PIGU: variants seen among roughly 807,000 people sequenced by gnomAD.
The protein encoded by PIGU is phosphatidylinositol glycan anchor biosynthesis class U.
Under a neutral mutation model 49.9 loss-of-function variants are expected in PIGU, and 24 were observed. The observed-to-expected ratio is 0.48, with a 90% CI of 0.35 to 0.68. The LOEUF is 0.68. PIGU is among the 30% of genes least tolerant of loss of function. The pLI is 0.01. For synonymous variants in PIGU, 220 were observed against 205.7 expected (o/e 1.07, Z -0.59); for missense variants, 490 against 532.6 (o/e 0.92, Z 0.79).
At chr20:34,568,810 G>C (rs1982884094) in intron 11 of PIGU, among the ~76,000 whole-genome samples, 1 of 152,226 alleles carries the variant, frequency 6.6e-6, no homozygotes, top group African/African-American at 2.4e-5. Context: ...GGCCAGCCCA[G>C]TATCTGAGGG....
intron 7 of PIGU, among the ~76,000 whole-genome samples, 178 bp downstream of exon 7, chr20:34,615,864 T>C (rs1354519021): frequency 1.3e-5 from 2 of 152,192 alleles, no homozygotes; most frequent in Admixed American, 6.5e-5. Flanking sequence ...AGTTGGGACT[T>C]AATGATAATT....
At chr20:34,673,763 C>T (rs553563668) in intron 1 of PIGU, among the ~76,000 whole-genome samples, 2 of 152,106 alleles carry the variant, frequency 1.3e-5, no homozygotes, top group Non-Finnish European at 2.9e-5. Context: ...CGTTAGAATT[C>T]ATACAGCTTG....
At chr20:34,618,762 G>A (rs1985101116) in intron 6 of PIGU, among the ~76,000 whole-genome samples, 1 of 152,154 alleles carries the variant, frequency 6.6e-6, no homozygotes, top group Non-Finnish European at 1.5e-5. Context: ...ACTCCAGCCT[G>A]GGTGACAGAG....
Position 34,654,620 on chromosome 20 carries a change from C to G in PIGU, c.195+2560G>C, listed in dbSNP as rs1986651971. Among the ~76,000 whole-genome samples, 2 of 120,018 alleles carry G rather than the reference C, an allele frequency of 1.7e-5. 1 individual carries two copies. The highest frequency in any genetic ancestry group is 6.1e-5 in the African/African-American group (2 of 32,554). The allele number at this position is 120,018 out of a possible 152,430, so 78.7% of individuals were successfully genotyped here. On this transcript the variant is annotated intron_variant, in intron 2 of 11. Transcript: ENST00000217446. ...AAGACAGCTGTTATTTCTATGAGGACCAAGTTGAATGCTTTTGAAAGATTA... is the reference window on the plus strand; with the variant it reads ...AAGACAGCTGTTATTTCTATGAGGAGCAAGTTGAATGCTTTTGAAAGATTA...
At chr20:34,603,976 G>A (rs892072091) in intron 7 of PIGU, among the ~76,000 whole-genome samples, 3 of 152,002 alleles carry the variant, frequency 2.0e-5, no homozygotes, top group South Asian at 2.1e-4. Flanking sequence ...AAGAGGGTAC[G>A]CTCTGCCTAA....
At position 34,606,450 on chromosome 20, in the gene PIGU, A is replaced by G. The variant is rs377630843; in HGVS notation, c.627+9592T>C. 2.8e-3 allele frequency among the ~76,000 whole-genome samples: 432 copies of G among 152,092 alleles called. 2 individuals are homozygous for G. The highest frequency in any genetic ancestry group is 0.026 in the South Asian group (126 of 4,812). On this transcript the variant is annotated intron_variant, in intron 7 of 11. Coordinates refer to ENST00000217446, the MANE Select transcript of PIGU (RefSeq NM_080476.5). Reference sequence around the variant, plus strand: ...TTCTCCACTTTTTCTTTTTCATAACATTAACATTTTGAACAGACTCAGACC... The same window carrying G: ...TTCTCCACTTTTTCTTTTTCATAACGTTAACATTTTGAACAGACTCAGACC...
At chr20:34,674,015 T>G (rs895068532) in intron 1 of PIGU, among the ~76,000 whole-genome samples, 10 of 151,558 alleles carry the variant, frequency 6.6e-5, no homozygotes, top group African/African-American at 2.4e-4. Context: ...ATCATGCCAC[T>G]ACACTCCAGC....
At chr20:34,599,097 A>G (rs900994407) in intron 7 of PIGU, among the ~76,000 whole-genome samples, 3 of 152,056 alleles carry the variant, frequency 2.0e-5, no homozygotes, top group African/African-American at 4.8e-5. Context: ...GAATACTTCA[A>G]TTTCACTAAT....
chr20:34,660,037 A>C (rs909128229), intron 1 of PIGU, among the ~76,000 whole-genome samples: 2 of 141,522 alleles, frequency 1.4e-5, no homozygotes, highest in African/African-American at 5.3e-5. Context: ...GAAACACCCA[A>C]GAATGATCAA....
chr20:34,644,263 CA>C (rs1373482151), intron 3 of PIGU, 37 bp from the exon 4 acceptor site: 1 of 1,534,752 alleles, frequency 6.5e-7, no homozygotes. Flanking sequence ...AAATGGAACA[CA>C]GTAAGTGTAA....
intron 2 of PIGU, among the ~76,000 whole-genome samples, chr20:34,652,856 T>A (rs1986583156): frequency 6.6e-6 from 1 of 152,190 alleles, no homozygotes; most frequent in South Asian, 2.1e-4. Flanking sequence ...TACTGAGCCT[T>A]GTTTTATAGA....
intron 6 of PIGU, among the ~76,000 whole-genome samples, chr20:34,624,236 G>T (rs532024932): frequency 6.6e-6 from 1 of 152,232 alleles, no homozygotes; most frequent in East Asian, 1.9e-4. Context: ...AATACCATCT[G>T]AGCAGTTATT....
At chr20:34,623,673 C>T (rs376452240) in intron 6 of PIGU, among the ~76,000 whole-genome samples, 3 of 152,152 alleles carry the variant, frequency 2.0e-5, no homozygotes, top group East Asian at 3.8e-4. Flanking sequence ...TAACAATAGG[C>T]AGAGCAACTA....
intron 2 of PIGU, among the ~76,000 whole-genome samples, chr20:34,650,698 C>CTTTTTTTTTT (rs1568658806): frequency 6.8e-5 from 3 of 43,964 alleles, no homozygotes; most frequent in Admixed American, 2.4e-4. Context: ...TTCTTTTTTT[C>CTTTTTTTTTT]TCTTTTTTTT....
chr20:34,617,522 C>T (rs1022084545), intron 6 of PIGU, among the ~76,000 whole-genome samples: 2 of 152,214 alleles, frequency 1.3e-5, no homozygotes, highest in African/African-American at 4.8e-5. Flanking sequence ...CCAATTTCTC[C>T]TATTTGTAAC....
intron 6 of PIGU, among the ~76,000 whole-genome samples, chr20:34,628,051 G>C (rs1157476750): frequency 6.6e-6 from 1 of 152,118 alleles, no homozygotes; most frequent in Non-Finnish European, 1.5e-5. Context: ...CCCCAGAAAA[G>C]GTAGGCAAAC....
Position 34,656,687 on chromosome 20 carries a change from G to A in PIGU, c.195+493C>T, listed in dbSNP as rs562499332. On this transcript the variant is annotated intron_variant, in intron 2 of 11. Coordinates refer to ENST00000217446, the MANE Select transcript of PIGU (RefSeq NM_080476.5). ...AGGCTCAAGTAGGAGGATCGCTTGA[G>A]CCCAGGAGGTCAAGGCTGCAGTGAA... Among the ~76,000 whole-genome samples, 21 of 150,418 alleles carry A rather than the reference G, an allele frequency of 1.4e-4. No homozygotes were observed. In the East Asian group the frequency reaches 1.6e-3, roughly 11 times the overall value.
At chr20:34,627,190 C>T (rs1222069388) in intron 6 of PIGU, among the ~76,000 whole-genome samples, 5 of 152,036 alleles carry the variant, frequency 3.3e-5, no homozygotes, top group East Asian at 3.8e-4. Context: ...ATAACAAATA[C>T]GCAAGAGGAA....
intron 6 of PIGU, among the ~76,000 whole-genome samples, chr20:34,618,926 C>A (rs919161770): frequency 6.6e-5 from 10 of 152,224 alleles, no homozygotes; most frequent in African/African-American, 2.4e-4. Context: ...TGAGATCTTT[C>A]ACCACCAAAG....
Sources: allele counts gnomAD v4.1 joint callset (sites outside exome capture counted in the v4.1 genomes callset), GRCh38; gene constraint gnomAD v4.1.1; transcripts MANE v1.5; gene names NCBI Gene and HGNC (gene_info 2026-07-23, HGNC 2026-07-21).